The following CCDC126 variants were observed in gnomAD, a reference collection of about 807,000 sequenced individuals.
The protein encoded by CCDC126 is coiled-coil domain-containing protein 126.
Under a neutral mutation model 11.7 loss-of-function variants are expected in CCDC126, and 5 were observed. The observed-to-expected ratio is 0.43, with a 90% confidence interval of 0.22 to 0.90. The LOEUF (loss-of-function observed/expected upper bound fraction) is 0.90. CCDC126 is among the 40% of genes least tolerant of loss of function. The pLI, the probability that CCDC126 is intolerant of heterozygous loss-of-function variation, is 0.27. For missense variants in CCDC126, 150 were observed against 163.1 expected (o/e 0.92, Z 0.44); for synonymous variants, 60 against 61.9 (o/e 0.97, Z 0.14).
chr7:23,639,856 A>G (rs540379546), intron 3 of CCDC126, among the ~76,000 whole-genome samples: 1 of 152,270 alleles, frequency 6.6e-6, no homozygotes, highest in African/African-American at 2.4e-5. Flanking sequence ...CAATTGTAAA[A>G]TATCGATAAC....
chr7:23,626,813 AAATT>A, intron 3 of CCDC126, among the ~76,000 whole-genome samples: 1 of 152,214 alleles, frequency 6.6e-6, no homozygotes, highest in Admixed American at 6.5e-5. Context: ...AGTCTATAAT[AAATT>A]GTTACTGTTT....
At chr7:23,639,395 A>G (rs1052962736) in intron 3 of CCDC126, among the ~76,000 whole-genome samples, 2 of 152,078 alleles carry the variant, frequency 1.3e-5, no homozygotes, top group Non-Finnish European at 2.9e-5. Context: ...GGGTTTCACC[A>G]TGTTGGCCAT....
intron 3 of CCDC126, among the ~76,000 whole-genome samples, chr7:23,619,753 C>T (rs1192717948): frequency 1.6e-5 from 2 of 123,314 alleles, no homozygotes; most frequent in Non-Finnish European, 3.3e-5. Flanking sequence ...CACAATAGGC[C>T]CTGGTGTGTG....
At chr7:23,633,079 A>C (rs1222977794) in intron 3 of CCDC126, among the ~76,000 whole-genome samples, 1 of 151,744 alleles carries the variant, frequency 6.6e-6, no homozygotes, top group Non-Finnish European at 1.5e-5. Flanking sequence ...CATAACCTCC[A>C]CTTCCTGAGT....
At chr7:23,632,130 G>T (rs1003980282) in intron 3 of CCDC126, among the ~76,000 whole-genome samples, 9 of 134,790 alleles carry the variant, frequency 6.7e-5, no homozygotes, top group African/African-American at 2.5e-4. Context: ...GTTTCACTCT[G>T]TTGCCCAGGC....
intron 3 of CCDC126, among the ~76,000 whole-genome samples, chr7:23,626,341 C>T (rs1376281627): frequency 1.3e-5 from 2 of 152,082 alleles, no homozygotes; most frequent in African/African-American, 4.8e-5. Context: ...ATAACTTAAA[C>T]ATTTAGCCAT....
At position 23,640,991 on chromosome 7, in the gene CCDC126, G is replaced by GATTTTTTTTTTTTTT. The variant is rs754297249; in HGVS notation, c.239-1940_239-1939insATTTTTTTTTTTTTT. On this transcript the variant is annotated intron_variant, in intron 3 of 3. Transcript: ENST00000307471. ...ATCCCTCTGAGCTCTGAATCCTTTTGGTTTTTTTTTTTTTTTTTTTTTTTG... is the reference window on the plus strand; with the variant it reads ...ATCCCTCTGAGCTCTGAATCCTTTTGATTTTTTTTTTTTTTGTTTTTTTTTTTTTTTTTTTTTTTG... 7.2e-5 allele frequency among the ~76,000 whole-genome samples: 8 copies of GATTTTTTTTTTTTTT among 110,998 alleles called. 2 individuals carry two copies. Among genetic ancestry groups the GATTTTTTTTTTTTTT allele is most frequent in the Non-Finnish European group, 1.1e-4 (6 of 56,284 alleles). The allele number at this position is 110,998 out of a possible 152,430, so 72.8% of individuals were successfully genotyped here.
intron 3 of CCDC126, among the ~76,000 whole-genome samples, chr7:23,639,266 A>C (rs891642600): frequency 2.0e-5 from 3 of 147,990 alleles, no homozygotes; most frequent in African/African-American, 7.5e-5. Flanking sequence ...ATCTCAGCTC[A>C]CTGCAACTTC....
chr7:23,614,454 A>T (rs921331404), intron 3 of CCDC126, among the ~76,000 whole-genome samples: 1 of 152,176 alleles, frequency 6.6e-6, no homozygotes, highest in East Asian at 1.9e-4. Flanking sequence ...AAAGTCATCC[A>T]TGAGGGTTGG....
intron 3 of CCDC126, among the ~76,000 whole-genome samples, chr7:23,625,552 T>G (rs181504461): frequency 4.6e-5 from 7 of 152,298 alleles, no homozygotes; most frequent in African/African-American, 1.7e-4. Flanking sequence ...TTTAAATGTT[T>G]GTTGGCTGTT....
intron 2 of CCDC126, among the ~76,000 whole-genome samples, chr7:23,606,846 G>A (rs566393226): frequency 6.6e-6 from 1 of 152,182 alleles, no homozygotes; most frequent in African/African-American, 2.4e-5. Context: ...TGAGGCAGGA[G>A]GATCACGTGA....
chr7:23,613,438 T>A, intron 3 of CCDC126, among the ~76,000 whole-genome samples: 1 of 152,208 alleles, frequency 6.6e-6, no homozygotes, highest in East Asian at 1.9e-4. Flanking sequence ...GAGCCACCCA[T>A]TTTAAATTCT....
chr7:23,634,216 T>G (rs958618567), intron 3 of CCDC126, among the ~76,000 whole-genome samples: 1 of 151,852 alleles, frequency 6.6e-6, no homozygotes, highest in Non-Finnish European at 1.5e-5. Context: ...GAGGCTGAGG[T>G]GGATGGATTG....
chr7:23,625,329 G>A (rs538720281), intron 3 of CCDC126, among the ~76,000 whole-genome samples: 1 of 152,188 alleles, frequency 6.6e-6, no homozygotes, highest in African/African-American at 2.4e-5. Context: ...TGGAATTTTG[G>A]GGTCAAGGAT....
rs1362159761 is a variant in CCDC126 at position 23,643,171 on chromosome 7, A to G, written c.*56A>G. 2.0e-5 allele frequency: 30 copies of G among 1,486,782 alleles called. No homozygotes were observed. The highest frequency in any genetic ancestry group is 2.0e-5 in the Admixed American group (1 of 50,740). The allele number at this position is 1,486,782 out of a possible 1,614,324, so 92.1% of individuals were successfully genotyped here. A position where few individuals can be genotyped will look rare whatever the true frequency, so the allele number is the denominator to read the frequency against. On this transcript the variant is annotated 3_prime_UTR_variant, in exon 4 of 4. Transcript: ENST00000307471. ...CACTGTGGATTATATCCTATGGCAG[A>G]AAAGCTTTATAATTGCTGGCTTAGG...
chr7:23,631,564 C>T (rs1259282187), intron 3 of CCDC126, among the ~76,000 whole-genome samples: 3 of 152,094 alleles, frequency 2.0e-5, no homozygotes, highest in Non-Finnish European at 4.4e-5. Context: ...AGTTCAAGAC[C>T]AGCCTTACCA....
chr7:23,619,664 G>T (rs982392745), intron 3 of CCDC126: 2 of 180,278 alleles, frequency 1.1e-5, no homozygotes, highest in African/African-American at 4.8e-5. Context: ...TATGTACCAT[G>T]TTGGTGTGCT....
chr7:23,609,785 C>T (rs1408005386), intron 2 of CCDC126, among the ~76,000 whole-genome samples: 2 of 152,154 alleles, frequency 1.3e-5, no homozygotes, highest in African/African-American at 4.8e-5. Context: ...TAGCTTGAGC[C>T]TGGGAGGTGG....
intron 3 of CCDC126, among the ~76,000 whole-genome samples, chr7:23,620,530 C>T (rs1401306050): frequency 3.3e-5 from 5 of 151,696 alleles, no homozygotes; most frequent in East Asian, 3.9e-4. Flanking sequence ...TTGTAGGTTG[C>T]CTGTTCACTC....
Sources: allele counts gnomAD v4.1 joint callset (sites outside exome capture counted in the v4.1 genomes callset), GRCh38; gene constraint gnomAD v4.1.1; transcripts MANE v1.5; gene names NCBI Gene and HGNC (gene_info 2026-07-23, HGNC 2026-07-21).